The following ME1 variants were observed in gnomAD, a reference collection of about 807,000 sequenced individuals.
ME1 encodes malic enzyme 1.
A neutral mutation model predicts 66.4 loss-of-function variants in ME1; 74 were observed. The observed-to-expected ratio is 1.11, with a 90% CI of 0.92 to 1.35. ME1 has a LOEUF of 1.35. Ranked by LOEUF, ME1 falls within the 40% of genes most tolerant of loss-of-function variation. The pLI, the probability that ME1 is intolerant of heterozygous loss-of-function variation, is 0.00. For missense variants in ME1, 750 were observed against 694.1 expected (o/e 1.08, Z -0.90); for synonymous variants, 251 against 235.6 (o/e 1.07, Z -0.60).
At chr6:83,269,472 T>C (rs1024243653) in intron 6 of ME1, among the ~76,000 whole-genome samples, 7 of 152,202 alleles carry the variant, frequency 4.6e-5, no homozygotes, top group African/African-American at 1.7e-4. Context: ...TTAGTGGAGG[T>C]ATTATGAAGT....
chr6:83,253,000 G>C (rs1790749423), intron 7 of ME1, among the ~76,000 whole-genome samples: 1 of 152,164 alleles, frequency 6.6e-6, no homozygotes, highest in Non-Finnish European at 1.5e-5. Flanking sequence ...CTCATTTCAA[G>C]TTGCAAAACC....
intron 6 of ME1, among the ~76,000 whole-genome samples, chr6:83,292,035 G>A (rs1044666072): frequency 2.0e-5 from 3 of 151,894 alleles, no homozygotes; most frequent in African/African-American, 7.3e-5. Context: ...ATTTTTTCAA[G>A]GTTTTTAGCT....
chr6:83,292,645 G>T (rs901385366), intron 6 of ME1, among the ~76,000 whole-genome samples: 3 of 152,194 alleles, frequency 2.0e-5, no homozygotes, highest in Admixed American at 1.3e-4. Flanking sequence ...GAGAACCATT[G>T]CTGTCTTCAG....
intron 1 of ME1, among the ~76,000 whole-genome samples, chr6:83,428,247 C>T (rs932928395): frequency 3.3e-5 from 5 of 151,910 alleles, no homozygotes; most frequent in Non-Finnish European, 5.9e-5. Flanking sequence ...CATTGGGGAA[C>T]GAATAAGATA....
chr6:83,316,870 G>A (rs557424076), intron 5 of ME1, among the ~76,000 whole-genome samples: 8 of 151,944 alleles, frequency 5.3e-5, no homozygotes, highest in African/African-American at 1.7e-4. Context: ...AAGAAAATAT[G>A]TGTAAGACCT....
intron 9 of ME1, among the ~76,000 whole-genome samples, chr6:83,237,280 G>GAAAGAAAGAAAGAAAGAAAGAAAGA (rs1562455285): frequency 4.6e-5 from 1 of 21,624 alleles, no homozygotes; most frequent in Non-Finnish European, 1.1e-4. Context: ...AGAAAGAAAG[G>GAAAGAAAGAAAGAAAGAAAGAAAGA]AAGGAAGGAA....
At chr6:83,379,996 T>C (rs1423819160) in intron 3 of ME1, among the ~76,000 whole-genome samples, 1 of 152,106 alleles carries the variant, frequency 6.6e-6, no homozygotes, top group African/African-American at 2.4e-5. Context: ...ATGGAGGGAT[T>C]CAAACCAACC....
intron 7 of ME1, among the ~76,000 whole-genome samples, chr6:83,245,436 G>A (rs776744503): frequency 1.3e-4 from 20 of 151,920 alleles, no homozygotes; most frequent in Non-Finnish European, 2.2e-4. Context: ...ACAGGGTTTC[G>A]CTCTTGTTGT....
At chr6:83,414,414 A>G (rs1301810985) in intron 1 of ME1, among the ~76,000 whole-genome samples, 2 of 152,150 alleles carry the variant, frequency 1.3e-5, no homozygotes, top group African/African-American at 4.8e-5. Flanking sequence ...CATATCTGAT[A>G]TAAAGTAATT....
intron 3 of ME1, among the ~76,000 whole-genome samples, chr6:83,361,923 A>G (rs1583401271): frequency 6.6e-6 from 1 of 151,882 alleles, no homozygotes; most frequent in South Asian, 2.1e-4. Context: ...CATGGTCTCC[A>G]CTCCTGCCAC....
rs1422017527 is a variant in ME1, at chr6:83,333,950, A to AG, written c.600+12222dup. ...AAATACTGATATAAAACTCCAAGTC[A>AG]GGGGGGGAGGAGCCAAGATGGCCGA... is the stretch of plus-strand genomic sequence containing the variant. On this transcript the variant is annotated intron_variant, in intron 5 of 13. Coordinates refer to ENST00000369705, the MANE Select transcript of ME1 (RefSeq NM_002395.6). 6.8e-5 allele frequency among the ~76,000 whole-genome samples: 10 copies of AG among 147,814 alleles called. No homozygotes were observed. The East Asian group carries it at 1.4e-3, about 20-fold the overall frequency.
intron 3 of ME1, among the ~76,000 whole-genome samples, chr6:83,375,391 G>A (rs1769270067): frequency 6.6e-6 from 1 of 152,050 alleles, no homozygotes; most frequent in Non-Finnish European, 1.5e-5. Context: ...TTGGCTCTCT[G>A]CTTGTCTATT....
intron 6 of ME1, among the ~76,000 whole-genome samples, chr6:83,277,252 G>A (rs997634927): frequency 7.9e-5 from 12 of 152,128 alleles, no homozygotes; most frequent in African/African-American, 2.7e-4. Context: ...CATATTCACT[G>A]TCTATAAGTT....
At chr6:83,401,714 T>C (rs1301097683) in intron 2 of ME1, among the ~76,000 whole-genome samples, 1 of 152,218 alleles carries the variant, frequency 6.6e-6, no homozygotes, top group Non-Finnish European at 1.5e-5. Flanking sequence ...ATAGAGGTTA[T>C]GCATAGGCTC....
In ME1 at chr6:83,212,011, C is replaced by A. The variant is rs762500418; in HGVS notation, c.1632G>T (p.Met544Ile). The A allele has an allele frequency of 6.2e-7, 1 of 1,613,174 alleles. No individual in the cohort carries two copies. The highest frequency in any genetic ancestry group is 8.5e-7 in the Non-Finnish European group (1 of 1,179,420). Reference sequence around the variant, plus strand: ...GAATCTGGTCATAATCAGTACTATACATCTGGGAGCGGACAAATGCTTCTT... The same window carrying A: ...GAATCTGGTCATAATCAGTACTATAAATCTGGGAGCGGACAAATGCTTCTT... The part of the protein sequence containing the change: ...QNKEAFVRSQ[M>I]YSTDYDQILP... Residue 544 changes from methionine (M) to isoleucine (I), a missense_variant, in exon 14 of 14, where the codon ATG becomes ATT. Coordinates refer to ENST00000369705, the MANE Select transcript of ME1 (RefSeq NM_002395.6).
chr6:83,370,628 A>G (rs541736955), intron 3 of ME1, among the ~76,000 whole-genome samples: 1 of 152,286 alleles, frequency 6.6e-6, no homozygotes, highest in African/African-American at 2.4e-5. Context: ...TTAGTCTCAC[A>G]TTTAGACTGG....
intron 3 of ME1, among the ~76,000 whole-genome samples, chr6:83,358,302 C>T (rs768619782): frequency 1.9e-4 from 29 of 152,030 alleles, no homozygotes; most frequent in Non-Finnish European, 3.4e-4. Flanking sequence ...TGACTCTATA[C>T]CTAATATCTT....
rs535798919 is a variant in ME1 at position 83,413,092 on chromosome 6, C to T, written c.79-5191G>A. 7.2e-5 allele frequency among the ~76,000 whole-genome samples: 11 copies of T among 152,048 alleles called. No homozygotes were observed. In the East Asian group the frequency reaches 1.2e-3, roughly 16 times the overall value. On this transcript the variant is annotated intron_variant, in intron 1 of 13. Transcript: ENST00000369705. ...CAAATTATTGATATATTTCATATTC[C>T]ACCTCCTAGGCTCAAGTGATCCTCC...
chr6:83,385,482 A>T (rs1371969445), intron 3 of ME1, among the ~76,000 whole-genome samples: 1 of 151,890 alleles, frequency 6.6e-6, no homozygotes, highest in African/African-American at 2.4e-5. Flanking sequence ...TGGATCCTAA[A>T]CTAAATTTCC....
Sources: allele counts gnomAD v4.1 joint callset (sites outside exome capture counted in the v4.1 genomes callset), GRCh38; gene constraint gnomAD v4.1.1; transcripts MANE v1.5; gene names NCBI Gene and HGNC (gene_info 2026-07-23, HGNC 2026-07-21).